Variants in METTL25 observed in about 807,000 individuals in gnomAD.
The protein encoded by METTL25 is methyltransferase like 25.
METTL25 carries 64 observed loss-of-function variants against 71.6 expected under a neutral mutation model. The ratio of observed to expected loss-of-function variants is 0.89; its 90% CI spans 0.73 to 1.10. METTL25 has a LOEUF of 1.10. Ranked by LOEUF, METTL25 falls within the 50% of genes least tolerant of loss-of-function variation. METTL25 has a pLI of 0.00. For synonymous variants in METTL25, 287 were observed against 250.3 expected, an observed-to-expected ratio of 1.15 and a Z score of -1.38; for missense variants, 807 against 707.0, an observed-to-expected ratio of 1.14 and a Z score of -1.60.
chr12:82,389,569 C>A (rs1252694131), intron 2 of METTL25, among the ~76,000 whole-genome samples: 5 of 152,066 alleles, frequency 3.3e-5, no homozygotes, highest in Admixed American at 1.3e-4. Context: ...TTGTAGTCCA[C>A]TTTACCAGTC....
At chr12:82,457,609 A>C (rs2137258633) in intron 9 of METTL25, among the ~76,000 whole-genome samples, 1 of 152,126 alleles carries the variant, frequency 6.6e-6, no homozygotes, top group African/African-American at 2.4e-5. Context: ...CCTCCCCTTT[A>C]AAATAGCTAT....
chr12:82,400,323 C>T (rs1457552914), intron 4 of METTL25, among the ~76,000 whole-genome samples: 2 of 147,144 alleles, frequency 1.4e-5, no homozygotes, highest in East Asian at 2.0e-4. Context: ...CAGAGCGAGA[C>T]GGTGTCCCCC....
At chr12:82,389,468 T>G (rs1011380268) in intron 2 of METTL25, among the ~76,000 whole-genome samples, 7 of 152,058 alleles carry the variant, frequency 4.6e-5, no homozygotes, top group Admixed American at 1.3e-4. Context: ...TAGATACAAA[T>G]TCTCTGTAGA....
chr12:82,461,076 G>T (rs568105122), intron 9 of METTL25, among the ~76,000 whole-genome samples: 21 of 152,150 alleles, frequency 1.4e-4, no homozygotes, highest in Admixed American at 2.6e-4. Flanking sequence ...CCGGGAGGCA[G>T]AGTTTGCAGT....
intron 5 of METTL25, among the ~76,000 whole-genome samples, chr12:82,422,523 A>G (rs1164690728): frequency 2.6e-5 from 4 of 152,186 alleles, no homozygotes; most frequent in Non-Finnish European, 5.9e-5. Flanking sequence ...CCTATTCAAC[A>G]TAGTGTTGGA....
chr12:82,472,827 T>A (rs990566678), intron 9 of METTL25, among the ~76,000 whole-genome samples: 37 of 152,224 alleles, frequency 2.4e-4, no homozygotes, highest in African/African-American at 8.9e-4. Flanking sequence ...CCTTATAGTT[T>A]GGTTCCACTA....
intron 5 of METTL25, among the ~76,000 whole-genome samples, chr12:82,425,235 C>T (rs1036955376): frequency 1.3e-5 from 2 of 152,010 alleles, no homozygotes; most frequent in Non-Finnish European, 2.9e-5. Flanking sequence ...CAGTAGGACC[C>T]AGCAGATGTG....
chr12:82,425,065 G>T (rs546050389), intron 5 of METTL25, among the ~76,000 whole-genome samples: 138 of 152,166 alleles, frequency 9.1e-4, no homozygotes, highest in African/African-American at 3.2e-3. Context: ...TTATCATTGT[G>T]TATTACGGTA....
At chr12:82,460,787 T>C (rs1203578481) in intron 9 of METTL25, among the ~76,000 whole-genome samples, 1 of 152,094 alleles carries the variant, frequency 6.6e-6, no homozygotes, top group African/African-American at 2.4e-5. Context: ...CTAAAGAAAT[T>C]TGAATATAAT....
intron 3 of METTL25, among the ~76,000 whole-genome samples, chr12:82,390,581 T>C (rs1336291192): frequency 6.6e-6 from 1 of 152,046 alleles, no homozygotes; most frequent in Non-Finnish European, 1.5e-5. Flanking sequence ...AGATTTTCCT[T>C]CCTGTAATTT....
chr12:82,362,600 T>C (rs938618468), intron 1 of METTL25, among the ~76,000 whole-genome samples: 2 of 152,160 alleles, frequency 1.3e-5, no homozygotes, highest in African/African-American at 2.4e-5. Flanking sequence ...CACATAAAAC[T>C]TGTAGGCTGT....
intron 8 of METTL25, among the ~76,000 whole-genome samples, chr12:82,456,024 A>G (rs1376365994): frequency 6.6e-6 from 1 of 151,968 alleles, no homozygotes. Flanking sequence ...GGAAGAATTG[A>G]TAGAATGTTA....
Position 82,399,077 on chromosome 12 carries a change from A to C in METTL25, c.814A>C (p.Met272Leu). Residue 272 changes from methionine to leucine, a missense_variant, in exon 4 of 12, where the codon ATG (methionine) becomes CTG (leucine). Transcript: ENST00000248306. ...CAACAGTCCTACAAATCAAGAAAAG[A>C]TGCCTACCTCAGCTATTTTGCCTGA... ...FNNSPTNQEK[M>L]PTSAILPDFS... 1 of 1,613,052 alleles carries C rather than the reference A, an allele frequency of 6.2e-7. No individual in the cohort carries two copies.
chr12:82,413,376 T>C (rs1887702606), intron 5 of METTL25, among the ~76,000 whole-genome samples: 1 of 152,060 alleles, frequency 6.6e-6, no homozygotes, highest in African/African-American at 2.4e-5. Flanking sequence ...CATTTTAAAG[T>C]AATATATAAT....
chr12:82,385,331 T>A (rs1445207722), intron 1 of METTL25, among the ~76,000 whole-genome samples: 1 of 152,130 alleles, frequency 6.6e-6, no homozygotes, highest in Non-Finnish European at 1.5e-5. Context: ...GAATTTTTTT[T>A]AATTTAATAA....
At chr12:82,417,733 GATAT>G (rs1888110781) in intron 5 of METTL25, among the ~76,000 whole-genome samples, 1 of 152,140 alleles carries the variant, frequency 6.6e-6, no homozygotes, top group Admixed American at 6.6e-5. Context: ...GTAACCAGCA[GATAT>G]ATATCTAGTA....
Position 82,430,941 on chromosome 12 carries a change from AAG to A in METTL25, c.1334_1335del (p.Arg445MetfsTer6). On this transcript the variant is annotated frameshift_variant, in exon 6 of 12. Transcript: ENST00000248306. LOFTEE classifies it high-confidence loss of function. ...TTTCCAATGTGCCACTATTTAAAGG[AAG>A]AGAGATGGTGCTGTGGTCGTAATGC... 6.2e-7 allele frequency: 1 copy of A among 1,603,048 alleles called. No homozygotes were observed. The highest frequency in any genetic ancestry group is 8.5e-7 in the Non-Finnish European group (1 of 1,173,482).
In METTL25 at chr12:82,467,907, G is replaced by T. The variant is rs879113156; in HGVS notation, c.1573-8737G>T. On this transcript the variant is annotated intron_variant, in intron 9 of 11. Transcript: ENST00000248306. Reference sequence around the variant, plus strand: ...CCCTTTTCCTTCTCTTTTCCTTCTGGAATACCCATAATGCAAATATTTGCT... The same window carrying T: ...CCCTTTTCCTTCTCTTTTCCTTCTGTAATACCCATAATGCAAATATTTGCT... Among the ~76,000 whole-genome samples the T allele has an allele frequency of 9.2e-5, 14 of 151,704 alleles. 1 individual carries two copies. The highest frequency in any genetic ancestry group is 4.6e-4 in the Admixed American group (7 of 15,212).
intron 5 of METTL25, among the ~76,000 whole-genome samples, chr12:82,405,365 A>G (rs1434425915): frequency 6.6e-6 from 1 of 152,054 alleles, no homozygotes; most frequent in Non-Finnish European, 1.5e-5. Flanking sequence ...ATTGTGAGCA[A>G]TTTTATCTCT....
Sources: gnomAD v4.1 joint callset for allele counts (sites outside exome capture counted in the v4.1 genomes callset) on GRCh38, gnomAD v4.1.1 for gene constraint, MANE v1.5 for transcripts, NCBI Gene and HGNC (gene_info 2026-07-23, HGNC 2026-07-21) for gene names.